Variants in POT1 observed in about 807,000 individuals in gnomAD.
POT1 encodes protection of telomeres 1.
In POT1, 47 loss-of-function variants were observed where a neutral mutation model predicts 78.5. The ratio of observed to expected loss-of-function variants is 0.60; its 90% CI spans 0.47 to 0.76. POT1 has a LOEUF of 0.76. Among genes scored for constraint, POT1 ranks in the 30% least tolerant of loss-of-function variants. The pLI is 0.00. For missense variants in POT1, 646 were observed against 749.9 expected (o/e 0.86, Z 1.62); for synonymous variants, 259 against 260.7 (o/e 0.99, Z 0.06).
At chr7:124,835,013 T>C (rs1178889576) in intron 15 of POT1, among the ~76,000 whole-genome samples, 1 of 152,104 alleles carries the variant, frequency 6.6e-6, no homozygotes, top group African/African-American at 2.4e-5. Context: ...AAACACTGCA[T>C]GTTCTCACTC....
chr7:124,908,457 T>C (rs1178897892), intron 3 of POT1, among the ~76,000 whole-genome samples: 1 of 151,982 alleles, frequency 6.6e-6, no homozygotes, highest in Non-Finnish European at 1.5e-5. Context: ...ACATATTGTG[T>C]GACTCACTCT....
chr7:124,878,953 G>T (rs576294219), intron 6 of POT1, among the ~76,000 whole-genome samples: 1 of 151,592 alleles, frequency 6.6e-6, no homozygotes, highest in East Asian at 1.9e-4. Flanking sequence ...TAAAGTTGAC[G>T]AATAAGAAAT....
Position 124,823,732 on chromosome 7 carries a change from TTAAGCAGGTCTCTTTG to T in POT1, c.*214_*229del, listed in dbSNP as rs1794561927. 9 of 476,254 alleles carry T rather than the reference TTAAGCAGGTCTCTTTG, an allele frequency of 1.9e-5. No homozygotes were observed. In the East Asian group the frequency reaches 3.1e-4, roughly 16 times the overall value. 29.5% of individuals were successfully genotyped at this position (476,254 alleles called of 1,614,324 possible). The stretch of plus-strand genomic sequence containing the variant: ...AGACACTTATCTCAGCAGTACTTGT[TTAAGCAGGTCTCTTTG>T]TACAAAAGCAAAACAGAAAGCAAAA... On this transcript the variant is annotated 3_prime_UTR_variant, in exon 19 of 19. Transcript: ENST00000357628.
chr7:124,847,813 G>T (rs1795207981), intron 11 of POT1, among the ~76,000 whole-genome samples: 1 of 152,180 alleles, frequency 6.6e-6, no homozygotes. Flanking sequence ...TGCAAATGGT[G>T]CTGCAATAAC....
rs762679439 is a variant in POT1, at chr7:124,853,070, T to A, written c.771A>T (p.Thr257=). The A allele has an allele frequency of 8.4e-5, 135 of 1,610,088 alleles. No individual in the cohort carries two copies. Among genetic ancestry groups the A allele is most frequent in the Middle Eastern group, 3.3e-4 (2 of 6,076 alleles). ...GAAGATGAAACTCTAAACTTAACAT[T>A]GTCTGATTCTCTGAATTCATTGATT... ...KLQSMNSENQ[T]MLSLEFHLHG... The change falls in exon 10 of 19, where the codon ACA becomes ACT. Residue 257 remains threonine, a synonymous_variant. Coordinates refer to ENST00000357628, the MANE Select transcript of POT1 (RefSeq NM_015450.3).
intron 7 of POT1, among the ~76,000 whole-genome samples, chr7:124,869,525 AT>A (rs34089593): frequency 0.6 from 91,356 of 151,976 alleles, 27,601 homozygotes; most frequent in African/African-American, 0.65. Flanking sequence ...AAAGTAAGCA[AT>A]TTTTTGACGT....
At chr7:124,881,790 G>A (rs978647669) in intron 6 of POT1, among the ~76,000 whole-genome samples, 4 of 151,952 alleles carry the variant, frequency 2.6e-5, no homozygotes, top group African/African-American at 9.7e-5. Flanking sequence ...CTTCTTGTTA[G>A]CTAACATTAA....
At chr7:124,862,313 T>C (rs951310935) in intron 8 of POT1, among the ~76,000 whole-genome samples, 3 of 152,172 alleles carry the variant, frequency 2.0e-5, no homozygotes, top group South Asian at 2.1e-4. Flanking sequence ...CCTCAGTGCA[T>C]AGTAGTAGAG....
At chr7:124,901,375 C>G (rs1796615065) in intron 3 of POT1, among the ~76,000 whole-genome samples, 1 of 152,158 alleles carries the variant, frequency 6.6e-6, no homozygotes, top group Non-Finnish European at 1.5e-5. Context: ...CTGGTGATAC[C>G]CAGGCAAACA....
intron 3 of POT1, among the ~76,000 whole-genome samples, chr7:124,907,886 T>G (rs539627129): frequency 6.6e-6 from 1 of 152,230 alleles, no homozygotes; most frequent in East Asian, 1.9e-4. Flanking sequence ...AGATTATTTA[T>G]TTGCATATTA....
intron 2 of POT1, among the ~76,000 whole-genome samples, chr7:124,922,794 C>T (rs1021839439): frequency 6.6e-6 from 1 of 151,844 alleles, no homozygotes; most frequent in Non-Finnish European, 1.5e-5. Flanking sequence ...AATTATTTTA[C>T]ATAAATTGAC....
intron 7 of POT1, 77 bp downstream of exon 7, chr7:124,870,834 T>C (rs1438310574): frequency 4.7e-5 from 57 of 1,205,992 alleles, no homozygotes; most frequent in Non-Finnish European, 6.0e-5. Flanking sequence ...AACTATATAA[T>C]TAGTGCTAAC....
chr7:124,892,866 C>T (rs933700626), intron 5 of POT1: 4 of 151,028 alleles, frequency 2.6e-5, no homozygotes, highest in Admixed American at 2.0e-4. Context: ...TAACACAAAA[C>T]AAGAAAATAC....
chr7:124,832,660 C>A (rs1031939650), intron 15 of POT1, among the ~76,000 whole-genome samples: 2 of 151,896 alleles, frequency 1.3e-5, no homozygotes, highest in East Asian at 3.9e-4. Context: ...AATAACAATA[C>A]GAAACAATCA....
At chr7:124,913,288 A>G (rs1035298557) in intron 3 of POT1, among the ~76,000 whole-genome samples, 1 of 152,176 alleles carries the variant, frequency 6.6e-6, no homozygotes, top group Non-Finnish European at 1.5e-5. Flanking sequence ...TTGAGGATAC[A>G]CTAAATCAAA....
chr7:124,829,711 T>C (rs1325985916), intron 15 of POT1, among the ~76,000 whole-genome samples: 1 of 151,404 alleles, frequency 6.6e-6, no homozygotes, highest in Non-Finnish European at 1.5e-5. Context: ...TCTATATCTA[T>C]ATCTATATCT....
rs1403615366 is a variant in POT1, at chr7:124,886,860, T to A, written c.124+5406A>T. 4.6e-5 allele frequency among the ~76,000 whole-genome samples: 7 copies of A among 152,288 alleles called. No homozygotes were observed. The East Asian group carries it at 5.8e-4, about 13-fold the overall frequency. The stretch of plus-strand genomic sequence containing the variant: ...TGAAAATTAATGTTGTCATCAATGT[T>A]TTAACAGAGCTATCATTTTAGTCTA... On this transcript the variant is annotated intron_variant, in intron 6 of 18. Coordinates refer to ENST00000357628, the MANE Select transcript of POT1 (RefSeq NM_015450.3).
At chr7:124,882,879 C>T (rs1796150947) in intron 6 of POT1, among the ~76,000 whole-genome samples, 1 of 151,906 alleles carries the variant, frequency 6.6e-6, no homozygotes, top group African/African-American at 2.4e-5. Context: ...AAAGTCATTC[C>T]TGAAAATGAG....
At chr7:124,890,337 G>C (rs1796340522) in intron 6 of POT1, among the ~76,000 whole-genome samples, 2 of 151,876 alleles carry the variant, frequency 1.3e-5, no homozygotes, top group South Asian at 4.1e-4. Context: ...AGGAAAGATA[G>C]TTTCTTAAGA....
Sources: gnomAD v4.1 joint callset for allele counts (sites outside exome capture counted in the v4.1 genomes callset) on GRCh38, gnomAD v4.1.1 for gene constraint, MANE v1.5 for transcripts, NCBI Gene and HGNC (gene_info 2026-07-23, HGNC 2026-07-21) for gene names.